Variants in SAMMSON observed in about 807,000 individuals in gnomAD.
SAMMSON encodes survival associated mitochondrial melanoma specific oncogenic non-coding RNA.
At chr3:70,415,964 C>A (rs1701261766) in intron 2 of SAMMSON, among the ~76,000 whole-genome samples, 2 of 152,250 alleles carry the variant, frequency 1.3e-5, no homozygotes. Context: ...TCTCCTATCA[C>A]TATTTTGATG....
intron 4 of SAMMSON, among the ~76,000 whole-genome samples, chr3:70,073,316 A>G (rs1576114977): frequency 1.3e-5 from 2 of 152,086 alleles, no homozygotes. Context: ...AGAGGACAAC[A>G]TGAAAAATGA....
intron 4 of SAMMSON, among the ~76,000 whole-genome samples, chr3:70,247,035 C>T (rs558845636): frequency 3.9e-5 from 6 of 151,990 alleles, no homozygotes; most frequent in African/African-American, 9.6e-5. Flanking sequence ...ATGACTACCA[C>T]GAAGGATAGT....
Position 70,132,783 on chromosome 3 carries a change from AAG to A in SAMMSON, n.507+61220_507+61221del, listed in dbSNP as rs1173318503. 9.2e-3 allele frequency among the ~76,000 whole-genome samples: 1,004 copies of A among 109,134 alleles called. 12 individuals are homozygous for A. The highest frequency in any genetic ancestry group is 0.029 in the South Asian group (68 of 2,320). 71.6% of individuals were successfully genotyped at this position (109,134 alleles called of 152,430 possible). A position where few individuals can be genotyped will look rare whatever the true frequency, so the allele number is the denominator to read the frequency against. On this transcript the variant is annotated intron_variant and non_coding_transcript_variant, in intron 4 of 9. Coordinates refer to ENST00000642114, the Ensembl canonical transcript of SAMMSON. ...ACGATGAGACCCTAAAAAAAAAAAA[AAG>A]AAAAGAAAAAAAAAACAATTTATGA...
chr3:70,414,554 C>G (rs955680376), intron 2 of SAMMSON, among the ~76,000 whole-genome samples: 1 of 152,050 alleles, frequency 6.6e-6, no homozygotes, highest in Admixed American at 6.6e-5. Flanking sequence ...GTGAAGGTAA[C>G]TAATAACTGG....
chr3:70,197,970 G>A (rs1256943504), intron 4 of SAMMSON, among the ~76,000 whole-genome samples: 2 of 152,180 alleles, frequency 1.3e-5, no homozygotes, highest in African/African-American at 2.4e-5. Flanking sequence ...TAGCCAAACA[G>A]CTGTGATGGG....
Position 70,132,257 on chromosome 3 carries a change from C to G in SAMMSON, n.507+60692C>G, listed in dbSNP as rs183075736. 5.0e-3 allele frequency among the ~76,000 whole-genome samples: 765 copies of G among 152,244 alleles called. 5 individuals carry two copies. Among genetic ancestry groups the G allele is most frequent in the African/African-American group, 0.017 (697 of 41,560 alleles). On this transcript the variant is annotated intron_variant and non_coding_transcript_variant, in intron 4 of 9. Coordinates refer to ENST00000642114, the Ensembl canonical transcript of SAMMSON. ...CCAGCATTTCTTCCTGATAAAAGAC[C>G]GTTGACCATGGGATGGTTCTGGACA...
At chr3:70,235,417 C>G (rs776210477) in intron 4 of SAMMSON, among the ~76,000 whole-genome samples, 3 of 152,196 alleles carry the variant, frequency 2.0e-5, no homozygotes, top group African/African-American at 7.2e-5. Flanking sequence ...TCCGTCTCCT[C>G]GCAAATTAAA....
intron 4 of SAMMSON, among the ~76,000 whole-genome samples, chr3:70,114,775 G>T (rs1254497064): frequency 6.6e-6 from 1 of 152,110 alleles, no homozygotes; most frequent in East Asian, 1.9e-4. Context: ...ATCCCATGAT[G>T]GTTCAATTAT....
intron 3 of SAMMSON, among the ~76,000 whole-genome samples, chr3:70,037,948 G>C (rs2067092303): frequency 6.6e-6 from 1 of 152,120 alleles, no homozygotes; most frequent in South Asian, 2.1e-4. Context: ...TATTAACCTG[G>C]CACTTCCATA....
intron 4 of SAMMSON, chr3:70,125,506 C>A: frequency 2.8e-6 from 2 of 717,002 alleles, no homozygotes; most frequent in South Asian, 3.1e-5. Flanking sequence ...CTGTGATGTT[C>A]AAATTAGGTT....
chr3:70,057,630 A>G (rs2067172859), intron 3 of SAMMSON, among the ~76,000 whole-genome samples: 1 of 151,884 alleles, frequency 6.6e-6, no homozygotes, highest in African/African-American at 2.4e-5. Context: ...CAAGCTATAC[A>G]TATGCATATA....
chr3:70,148,481 G>A (rs1005927962), intron 4 of SAMMSON, among the ~76,000 whole-genome samples: 1 of 152,074 alleles, frequency 6.6e-6, no homozygotes, highest in Non-Finnish European at 1.5e-5. Flanking sequence ...AGGAATACCT[G>A]AGACTGAGTA....
chr3:70,295,506 T>A (rs1164923458), intron 7 of SAMMSON, among the ~76,000 whole-genome samples: 1 of 151,988 alleles, frequency 6.6e-6, no homozygotes, highest in Non-Finnish European at 1.5e-5. Flanking sequence ...AGTTCGAGAC[T>A]GGCCTGGGAA....
At chr3:70,249,166 A>T (rs1157427615) in exon 5 of SAMMSON, 1 of 152,212 alleles carries the variant, frequency 6.6e-6, no homozygotes. Context: ...CAAGTTCTAC[A>T]TTAGGAACAC....
chr3:70,075,692 TGTA>T (rs1355410663), intron 4 of SAMMSON, among the ~76,000 whole-genome samples: 1 of 152,134 alleles, frequency 6.6e-6, no homozygotes, highest in East Asian at 1.9e-4. Flanking sequence ...AAAACATTGT[TGTA>T]GTGATAAAAG....
intron 2 of SAMMSON, among the ~76,000 whole-genome samples, chr3:70,407,395 G>A (rs1276593378): frequency 6.6e-6 from 1 of 152,186 alleles, no homozygotes; most frequent in African/African-American, 2.4e-5. Flanking sequence ...TTCCGCCTAT[G>A]AGACTGTGAA....
chr3:70,409,006 G>A (rs1040747228), intron 2 of SAMMSON, among the ~76,000 whole-genome samples: 1 of 152,076 alleles, frequency 6.6e-6, no homozygotes, highest in Non-Finnish European at 1.5e-5. Context: ...GGAAACCCCT[G>A]ACAAAACCAT....
chr3:70,230,225 G>A (rs1701544831), intron 4 of SAMMSON, among the ~76,000 whole-genome samples: 1 of 152,070 alleles, frequency 6.6e-6, no homozygotes, highest in Non-Finnish European at 1.5e-5. Flanking sequence ...AATTTACATT[G>A]GACAGTGAAT....
chr3:70,093,002 G>C (rs559362758), intron 4 of SAMMSON, among the ~76,000 whole-genome samples: 1 of 151,784 alleles, frequency 6.6e-6, no homozygotes, highest in African/African-American at 2.4e-5. Flanking sequence ...CCTGGGATGG[G>C]AACAGTGAGA....
Sources: allele counts gnomAD v4.1 joint callset (sites outside exome capture counted in the v4.1 genomes callset), GRCh38; gene constraint gnomAD v4.1.1; transcripts MANE v1.5; gene names NCBI Gene and HGNC (gene_info 2026-07-23, HGNC 2026-07-21).